KCNC3: variants seen among roughly 807,000 people sequenced by gnomAD.
KCNC3 encodes voltage-gated potassium channel KCNC3.
A neutral mutation model predicts 43.9 loss-of-function variants in KCNC3; 22 were observed. The observed-to-expected ratio is 0.50, with a 90% CI of 0.36 to 0.72. The LOEUF is 0.72. Ranked by LOEUF, KCNC3 falls within the 30% of genes least tolerant of loss-of-function variation. The pLI, the probability that KCNC3 is intolerant of heterozygous loss-of-function variation, is 0.00. For missense variants in KCNC3, 829 were observed against 1,073.8 expected (o/e 0.77, Z 3.19); for synonymous variants, 492 against 488.0 (o/e 1.01, Z -0.11).
intron 4 of KCNC3, among the ~76,000 whole-genome samples, chr19:50,318,403 G>A (rs550056623): frequency 6.6e-6 from 1 of 151,372 alleles, no homozygotes; most frequent in Non-Finnish European, 1.5e-5. Context: ...TCGAACTCCT[G>A]ACCTCAAGTG....
In KCNC3 at chr19:50,312,879, C is replaced by A. The variant is rs2036898350; in HGVS notation, c.*3236G>T. 1 of 151,802 alleles carries A rather than the reference C, an allele frequency of 6.6e-6. No individual in the cohort carries two copies. The highest frequency in any genetic ancestry group is 1.5e-5 in the Non-Finnish European group (1 of 67,938). 9.4% of individuals were successfully genotyped at this position (151,802 alleles called of 1,614,324 possible). A position where few individuals can be genotyped will look rare whatever the true frequency, so the allele number is the denominator to read the frequency against. Reference sequence around the variant, plus strand: ...CCCCTAGCCCTTTGCCCCGCCCCCACCAAAACCCGCCCCACCCCTCACCCC... The same window carrying A: ...CCCCTAGCCCTTTGCCCCGCCCCCAACAAAACCCGCCCCACCCCTCACCCC... On this transcript the variant is annotated 3_prime_UTR_variant, in exon 5 of 5. Transcript: ENST00000477616.
At chr19:50,322,597 G>A in intron 2 of KCNC3, among the ~76,000 whole-genome samples, 1 of 152,054 alleles carries the variant, frequency 6.6e-6, no homozygotes, top group East Asian at 1.9e-4. Context: ...CTGTCTCCCG[G>A]ATGCTCAGAT....
intron 1 of KCNC3, among the ~76,000 whole-genome samples, chr19:50,327,342 G>A (rs1047849520): frequency 6.6e-6 from 1 of 152,164 alleles, no homozygotes; most frequent in Non-Finnish European, 1.5e-5. Flanking sequence ...CTTGAGATGG[G>A]AGTTGGCGTG....
upstream of KCNC3, among the ~76,000 whole-genome samples, chr19:50,330,394 G>A (rs2037173950): frequency 6.6e-6 from 1 of 152,158 alleles, no homozygotes; most frequent in Admixed American, 6.6e-5. Context: ...CAGGGCTAAG[G>A]GAGGGTAGAG....
At chr19:50,326,589 G>A (rs1209392473) in intron 1 of KCNC3, among the ~76,000 whole-genome samples, 2 of 152,118 alleles carry the variant, frequency 1.3e-5, no homozygotes, top group Non-Finnish European at 2.9e-5. Flanking sequence ...TCTGTGTTTG[G>A]GTACCCAGGA....
rs7256769 is a variant in KCNC3 at position 50,324,459 on chromosome 19, C to T, written c.871-377G>A. On this transcript the variant is annotated intron_variant, in intron 1 of 4. Coordinates refer to ENST00000477616, the MANE Select transcript of KCNC3 (RefSeq NM_004977.3). The surrounding 1 kb of genome is among the most constrained non-coding windows in gnomAD (Gnocchi z 4.1). ...AGGGTCCACGGGTTCTGCTGTGGGA[C>T]GGGAGCCGCCAGGCCTAAGATCACA... is the stretch of plus-strand genomic sequence containing the variant. Among the ~76,000 whole-genome samples, 1,013 of 152,098 alleles carry T rather than the reference C, an allele frequency of 6.7e-3. 9 individuals carry two copies. The highest frequency in any genetic ancestry group is 0.024 in the African/African-American group (976 of 41,492).
chr19:50,329,958 G>A (rs545932539), upstream of KCNC3, among the ~76,000 whole-genome samples: 2 of 152,194 alleles, frequency 1.3e-5, no homozygotes, highest in South Asian at 4.2e-4. Context: ...GAAGGTGAGT[G>A]GGGTCGACAA....
In KCNC3 at chr19:50,324,085, G is replaced by A. The variant is rs555471288; in HGVS notation, c.871-3C>T. ...AAGAGGGAGGCGAAGGCCACATACT[G>A]CAGGGCAGGGAGGGAGAGAGAGGGG... On this transcript the variant is annotated splice_polypyrimidine_tract_variant and splice_region_variant and intron_variant, in intron 1 of 4. Coordinates refer to ENST00000477616, the MANE Select transcript of KCNC3 (RefSeq NM_004977.3). This position sits in a 1 kb window ranked among gnomAD's most constrained non-coding sequence, Gnocchi z 4.1. 6 of 1,587,514 alleles carry A rather than the reference G, an allele frequency of 3.8e-6. No homozygotes were observed. The Admixed American group carries it at 1.0e-4, about 27-fold the overall frequency.
At chr19:50,333,221 C>G (rs982375431), upstream of KCNC3, among the ~76,000 whole-genome samples, 1 of 152,122 alleles carries the variant, frequency 6.6e-6, no homozygotes, top group African/African-American at 2.4e-5. Context: ...ATGGGGGAAT[C>G]CGGGGCTCGA....
chr19:50,320,898 G>A, intron 2 of KCNC3, 114 bp from the exon 3 acceptor site: 1 of 1,022,312 alleles, frequency 9.8e-7, no homozygotes, highest in Non-Finnish European at 1.5e-6. Context: ...GCGGATGTTT[G>A]GCACTGGAAG....
chr19:50,331,294 T>A (rs1028599443), upstream of KCNC3, among the ~76,000 whole-genome samples: 3 of 92,796 alleles, frequency 3.2e-5, no homozygotes, highest in Non-Finnish European at 5.5e-5. Context: ...CCCCCGAGTC[T>A]CTTTCTCTTG....
intron 2 of KCNC3, 121 bp from the exon 3 acceptor site, chr19:50,320,905 G>C (rs989778492): frequency 5.3e-6 from 5 of 949,476 alleles, no homozygotes; most frequent in South Asian, 1.5e-5. Context: ...TTTGGCACTG[G>C]AAGTGGAGAT....
At chr19:50,317,880 C>T (rs1183501128) in intron 4 of KCNC3, among the ~76,000 whole-genome samples, 1 of 152,216 alleles carries the variant, frequency 6.6e-6, no homozygotes, top group African/African-American at 2.4e-5. Flanking sequence ...TCACTGCAGC[C>T]TCCCAGACTC....
chr19:50,323,910 A>G lies in KCNC3; in HGVS notation c.1043T>C (p.Leu348Pro). 6.2e-7 allele frequency: 1 copy of G among 1,614,224 alleles called. No individual in the cohort carries two copies. The highest frequency in any genetic ancestry group is 8.5e-7 in the Non-Finnish European group (1 of 1,180,044). The stretch of plus-strand genomic sequence containing the variant: ...CACGCACACCCCCTCCACGTAGGTC[A>G]GGAAGGGCTCCGTCTCCACCTCCAC... Reference protein sequence around the residue: ...TNVEVETEPFLTYVEGVCVVW... With the variant: ...TNVEVETEPFPTYVEGVCVVW... Residue 348 changes from leucine (L) to proline (P), a missense_variant, in exon 2 of 5, where the codon CTG (leucine) becomes CCG (proline). By Grantham distance (98) the Leu-to-Pro change is moderately conservative. Around this residue, in one of 7 missense-constraint regions of KCNC3, gnomAD observed 157 missense variants for 293.5 expected, o/e 0.53. Transcript: ENST00000477616.
Position 50,323,265 on chromosome 19 carries a change from A to G in KCNC3, c.1688T>C (p.Ile563Thr). 1 of 1,604,986 alleles carries G rather than the reference A, an allele frequency of 6.2e-7. No individual in the cohort carries two copies. The highest frequency in any genetic ancestry group is 1.1e-5 in the South Asian group (1 of 91,034). The change falls in exon 2 of 5, where the codon ATC (isoleucine) becomes ACC (threonine). Residue 563 changes from isoleucine to threonine, a missense_variant. Around this residue, in one of 7 missense-constraint regions of KCNC3, gnomAD observed 308 missense variants for 276.2 expected, o/e 1.11. Coordinates refer to ENST00000477616, the MANE Select transcript of KCNC3 (RefSeq NM_004977.3). ...CGAGCCCGGTTGCGGGGGCCGGGGGATGTGTTTGTTCTTCTTCTTGGGCAG... is the reference window on the plus strand; with the variant it reads ...CGAGCCCGGTTGCGGGGGCCGGGGGGTGTGTTTGTTCTTCTTCTTGGGCAG... ...QKLPKKKNKH[I>T]PRPPQPGSPN...
rs771949719 is a variant in KCNC3 at position 50,314,741 on chromosome 19, TTAA to T, written c.*1371_*1373del. The T allele has an allele frequency of 3.2e-5, 14 of 441,900 alleles. No homozygotes were observed. Among genetic ancestry groups the T allele is most frequent in the Middle Eastern group, 6.6e-4 (1 of 1,512 alleles). 27.4% of individuals were successfully genotyped at this position (441,900 alleles called of 1,614,324 possible). On this transcript the variant is annotated 3_prime_UTR_variant, in exon 5 of 5. Coordinates refer to ENST00000477616, the MANE Select transcript of KCNC3 (RefSeq NM_004977.3). ...GCATCGTCATCTCGGTTGCATATTATTAATGACTTTTTGATTTTTTTTAAAAAA... is the reference window on the plus strand; with the variant it reads ...GCATCGTCATCTCGGTTGCATATTATTGACTTTTTGATTTTTTTTAAAAAA...
rs2037074095 is a variant in KCNC3, at chr19:50,324,165, C to T, written c.871-83G>A. 2.2e-6 allele frequency: 3 copies of T among 1,386,336 alleles called. No homozygotes were observed. The highest frequency in any genetic ancestry group is 2.9e-6 in the Non-Finnish European group (3 of 1,032,980). The allele number at this position is 1,386,336 out of a possible 1,614,324, so 85.9% of individuals were successfully genotyped here. A position where few individuals can be genotyped will look rare whatever the true frequency, so the allele number is the denominator to read the frequency against. On this transcript the variant is annotated intron_variant, in intron 1 of 4. Transcript: ENST00000477616. The surrounding 1 kb of genome is among the most constrained non-coding windows in gnomAD (Gnocchi z 4.1). ...TAACATCCAGAAGACCCTTCCAGTGCCCCCTTCCCCAGCCTCCTGGGCCCA... is the reference window on the plus strand; with the variant it reads ...TAACATCCAGAAGACCCTTCCAGTGTCCCCTTCCCCAGCCTCCTGGGCCCA...
chr19:50,323,248 G>A lies in KCNC3; in HGVS notation c.1705C>T (p.Pro569Ser). The A allele has an allele frequency of 6.3e-7, 1 of 1,599,760 alleles. No homozygotes were observed. ...GGCTTGCAGTAGTTGGGCGAGCCCG[G>A]TTGCGGGGGCCGGGGGATGTGTTTG... is the stretch of plus-strand genomic sequence containing the variant. ...KNKHIPRPPQ[P>S]GSPNYCKPDP... The change falls in exon 2 of 5, where the codon CCG (proline) becomes TCG (serine). Residue 569 changes from proline (P) to serine (S), a missense_variant. Coordinates refer to ENST00000477616, the MANE Select transcript of KCNC3 (RefSeq NM_004977.3).
chr19:50,329,087 CGGGGGGCGGGGCGG>C lies in KCNC3; in HGVS notation c.-19_-6del. ...GACGCAGACTGAGCTCAGCATTGGA[CGGGGGGCGGGGCGG>C]GAGGGGCGGGGACGCAGGGGCGGGG... On this transcript the variant is annotated 5_prime_UTR_variant, in exon 1 of 5. Coordinates refer to ENST00000477616, the MANE Select transcript of KCNC3 (RefSeq NM_004977.3). The C allele has an allele frequency of 1.6e-5, 2 of 124,392 alleles. No individual in the cohort carries two copies. The highest frequency in any genetic ancestry group is 2.3e-5 in the Non-Finnish European group (2 of 87,316). 7.7% of individuals were successfully genotyped at this position (124,392 alleles called of 1,614,324 possible).
Sources: allele counts gnomAD v4.1 joint callset (sites outside exome capture counted in the v4.1 genomes callset), GRCh38; gene constraint gnomAD v4.1.1; regional missense constraint gnomAD v4.1.1; non-coding constraint Gnocchi (gnomAD v3.1); transcripts MANE v1.5; gene names NCBI Gene and HGNC (gene_info 2026-07-23, HGNC 2026-07-21).